NBL1: variants seen among roughly 807,000 people sequenced by gnomAD.
The protein encoded by NBL1 is neuroblastoma suppressor of tumorigenicity 1.
Under a neutral mutation model 16.0 loss-of-function variants are expected in NBL1, and 9 were observed. The ratio of observed to expected loss-of-function variants is 0.56; its 90% CI spans 0.34 to 0.98. The LOEUF (loss-of-function observed/expected upper bound fraction) is 0.98, where lower values mean the gene tolerates loss of function less well. Ranked by LOEUF, NBL1 falls within the 50% of genes least tolerant of loss-of-function variation. The probability of loss-of-function intolerance (pLI) is 0.02; values close to 1 mark genes in which losing one functional copy is unlikely to be tolerated. For missense variants in NBL1, 196 were observed against 243.1 expected (o/e 0.81, Z 1.29); for synonymous variants, 86 against 100.7 (o/e 0.85, Z 0.87).
chr1:19,656,778 A>T lies in NBL1; in HGVS notation c.283-88A>T, dbSNP rs550714795. On this transcript the variant is annotated intron_variant, in intron 3 of 3. Transcript: ENST00000375136. ...TCACAGGTGGGCTCTGGGATTCTTG[A>T]TCCCATGAGGAAGTATTACCCTAGG... 2,104 of 1,464,392 alleles carry T rather than the reference A, an allele frequency of 1.4e-3. 2 individuals carry two copies. Among genetic ancestry groups the T allele is most frequent in the Middle Eastern group, 3.5e-3 (19 of 5,386 alleles). The allele number at this position is 1,464,392 out of a possible 1,614,324, so 90.7% of individuals were successfully genotyped here.
In NBL1 at chr1:19,657,259, A is replaced by C. The variant is rs966675317; in HGVS notation, c.*130A>C. ...GACTTGGCTTCAGACTCGGACTTGA[A>C]TGCTGCCCGGTTGCCATGGAGATCT... On this transcript the variant is annotated 3_prime_UTR_variant, in exon 4 of 4. Coordinates refer to ENST00000375136, the MANE Select transcript of NBL1 (RefSeq NM_005380.8). 2.1e-5 allele frequency: 12 copies of C among 559,888 alleles called. No homozygotes were observed. Among genetic ancestry groups the C allele is most frequent in the Non-Finnish European group, 3.8e-5 (12 of 313,562 alleles). 34.7% of individuals were successfully genotyped at this position (559,888 alleles called of 1,614,324 possible). A position where few individuals can be genotyped will look rare whatever the true frequency, so the allele number is the denominator to read the frequency against.
In NBL1 at chr1:19,646,154, C is replaced by T; in HGVS notation, c.-20+1708C>T. 3 of 1,181,266 alleles carry T rather than the reference C, an allele frequency of 2.5e-6. No homozygotes were observed. In the Admixed American group the frequency reaches 6.7e-5, roughly 26 times the overall value. 73.2% of individuals were successfully genotyped at this position (1,181,266 alleles called of 1,614,324 possible). A position where few individuals can be genotyped will look rare whatever the true frequency, so the allele number is the denominator to read the frequency against. On this transcript the variant is annotated intron_variant, in intron 1 of 3. Coordinates refer to ENST00000375136, the MANE Select transcript of NBL1 (RefSeq NM_005380.8). ...GTGTCCGCCCTCTGGACAGTTGACT[C>T]ATGCTCTCCCCAGTGCTGAAGGAAG... is the stretch of plus-strand genomic sequence containing the variant.
chr1:19,654,524 C>T (rs949254865), intron 1 of NBL1, among the ~76,000 whole-genome samples: 3 of 152,168 alleles, frequency 2.0e-5, no homozygotes, highest in African/African-American at 7.2e-5. Flanking sequence ...CCAGCCCCTC[C>T]AGGGCTGTGT....
intron 1 of NBL1, among the ~76,000 whole-genome samples, chr1:19,652,222 G>A (rs1408523017): frequency 6.6e-6 from 1 of 152,200 alleles, no homozygotes; most frequent in African/African-American, 2.4e-5. Context: ...AGCCCAGGGA[G>A]CCCTGGCCTT....
Position 19,658,153 on chromosome 1 carries a change from T to C in NBL1, c.*1024T>C, listed in dbSNP as rs952456957. ...ACTTGCGTGGACAGTCAGGGTTCACTTGGGCTCTCTCTAGCTCCCCAATTC... is the reference window on the plus strand; with the variant it reads ...ACTTGCGTGGACAGTCAGGGTTCACCTGGGCTCTCTCTAGCTCCCCAATTC... On this transcript the variant is annotated 3_prime_UTR_variant, in exon 4 of 4. Coordinates refer to ENST00000375136, the MANE Select transcript of NBL1 (RefSeq NM_005380.8). 1 of 152,938 alleles carries C rather than the reference T, an allele frequency of 6.5e-6. No individual in the cohort carries two copies. The highest frequency in any genetic ancestry group is 1.9e-4 in the East Asian group (1 of 5,182). 9.5% of individuals were successfully genotyped at this position (152,938 alleles called of 1,614,324 possible).
At chr1:19,647,287 A>G (rs2094986488) in intron 1 of NBL1, among the ~76,000 whole-genome samples, 1 of 152,134 alleles carries the variant, frequency 6.6e-6, no homozygotes, top group African/African-American at 2.4e-5. Context: ...TTAGCTGGGC[A>G]TGGTGGTGTA....
upstream of NBL1, chr1:19,643,345 G>T: frequency 6.2e-7 from 1 of 1,614,044 alleles, no homozygotes; most frequent in Non-Finnish European, 8.5e-7. The surrounding 1 kb of genome is among the most constrained non-coding windows in gnomAD (Gnocchi z 4.7). Flanking sequence ...GACAAGCAGG[G>T]CTGTGTCTAT....
chr1:19,658,224 G>A lies in NBL1; in HGVS notation c.*1095G>A, dbSNP rs1045046322. On this transcript the variant is annotated 3_prime_UTR_variant, in exon 4 of 4. Transcript: ENST00000375136. ...GCTGCACTTTAACCCTAGAAGGTGGGGACCTGGGGGGAGGGACAGGGCAGG... is the reference window on the plus strand; with the variant it reads ...GCTGCACTTTAACCCTAGAAGGTGGAGACCTGGGGGGAGGGACAGGGCAGG... The A allele has an allele frequency of 6.5e-6, 1 of 152,796 alleles. No individual in the cohort carries two copies. Among genetic ancestry groups the A allele is most frequent in the Non-Finnish European group, 1.5e-5 (1 of 68,186 alleles). The allele number at this position is 152,796 out of a possible 1,614,324, so 9.5% of individuals were successfully genotyped here.
At chr1:19,643,450 T>C, upstream of NBL1, 1 of 1,607,550 alleles carries the variant, frequency 6.2e-7, no homozygotes, top group Non-Finnish European at 8.5e-7. The surrounding 1 kb of genome is among the most constrained non-coding windows in gnomAD (Gnocchi z 4.7). Flanking sequence ...GTCCCAGTGG[T>C]GTCCCTGGGC....
At chr1:19,652,387 A>G (rs1313048998) in intron 1 of NBL1, among the ~76,000 whole-genome samples, 1 of 152,172 alleles carries the variant, frequency 6.6e-6, no homozygotes, top group Non-Finnish European at 1.5e-5. Flanking sequence ...TACTGGAAAC[A>G]TGGGCTTTGT....
chr1:19,649,578 C>G (rs1437520375), intron 1 of NBL1, among the ~76,000 whole-genome samples: 1 of 151,560 alleles, frequency 6.6e-6, no homozygotes, highest in Non-Finnish European at 1.5e-5. Context: ...AGGCTGGTCT[C>G]GAACTCCTGA....
At chr1:19,643,641 G>A, upstream of NBL1, 1 of 1,316,140 alleles carries the variant, frequency 7.6e-7, no homozygotes, top group South Asian at 1.6e-5. The surrounding 1 kb of genome is among the most constrained non-coding windows in gnomAD (Gnocchi z 4.7). Context: ...TTCATTTGCT[G>A]GCTTTTTAGT....
At chr1:19,643,496 CGTT>C (rs1160800933), upstream of NBL1, 4 of 1,542,392 alleles carry the variant, frequency 2.6e-6, no homozygotes, top group Non-Finnish European at 3.5e-6. This position sits in a 1 kb window ranked among gnomAD's most constrained non-coding sequence, Gnocchi z 4.7. Context: ...TTTCTCACCC[CGTT>C]GTTAAGCACA....
chr1:19,649,582 C>T (rs372402146), intron 1 of NBL1, among the ~76,000 whole-genome samples: 8 of 151,598 alleles, frequency 5.3e-5, no homozygotes, highest in African/African-American at 1.7e-4. Flanking sequence ...TGGTCTCGAA[C>T]TCCTGACCTC....
At chr1:19,654,927 C>T (rs772473873) in intron 1 of NBL1, 85 bp from the exon 2 acceptor site, 279 of 1,445,794 alleles carry the variant, frequency 1.9e-4, no homozygotes, top group Middle Eastern at 5.2e-4. Flanking sequence ...GCCAAGGAGT[C>T]GGATGCCAGA....
In NBL1 at chr1:19,657,290, G is replaced by C. The variant is rs1035093273; in HGVS notation, c.*161G>C. On this transcript the variant is annotated 3_prime_UTR_variant, in exon 4 of 4. Coordinates refer to ENST00000375136, the MANE Select transcript of NBL1 (RefSeq NM_005380.8). ...CCCGGTTGCCATGGAGATCTGAAGGGGCGGGGTTAGAGCCAAGCTGCACAA... is the reference window on the plus strand; with the variant it reads ...CCCGGTTGCCATGGAGATCTGAAGGCGCGGGGTTAGAGCCAAGCTGCACAA... The C allele has an allele frequency of 3.7e-6, 2 of 534,482 alleles. No homozygotes were observed. Among genetic ancestry groups the C allele is most frequent in the Non-Finnish European group, 6.7e-6 (2 of 298,728 alleles). The allele number at this position is 534,482 out of a possible 1,614,324, so 33.1% of individuals were successfully genotyped here.
chr1:19,653,614 C>T (rs557766573), intron 1 of NBL1, among the ~76,000 whole-genome samples: 29 of 152,364 alleles, frequency 1.9e-4, no homozygotes, highest in African/African-American at 7.0e-4. Flanking sequence ...AACCACTGGC[C>T]TGGCTCACTG....
chr1:19,656,715 T>C, intron 3 of NBL1, 151 bp from the exon 4 acceptor site: 2 of 1,353,696 alleles, frequency 1.5e-6, no homozygotes, highest in Non-Finnish European at 1.9e-6. Flanking sequence ...AGGGGTTCAA[T>C]TTCCCCCTCC....
chr1:19,653,726 G>A (rs775340431), intron 1 of NBL1, among the ~76,000 whole-genome samples: 3 of 152,234 alleles, frequency 2.0e-5, no homozygotes, highest in Non-Finnish European at 2.9e-5. Context: ...CCGAGGGTTT[G>A]GGGGCCTCCT....
Sources: allele counts gnomAD v4.1 joint callset (sites outside exome capture counted in the v4.1 genomes callset), GRCh38; gene constraint gnomAD v4.1.1; non-coding constraint Gnocchi (gnomAD v3.1); transcripts MANE v1.5; gene names NCBI Gene and HGNC (gene_info 2026-07-23, HGNC 2026-07-21).